The following ADAMTS12 variants were observed in gnomAD, a reference collection of about 807,000 sequenced individuals.
The protein encoded by ADAMTS12 is ADAM metallopeptidase with thrombospondin type 1 motif 12.
In ADAMTS12, 118 loss-of-function variants were observed where a neutral mutation model predicts 167.8. That is an observed-to-expected ratio of 0.70 (90% confidence interval 0.61 to 0.82). ADAMTS12 has a LOEUF of 0.82. ADAMTS12 is among the 40% of genes least tolerant of loss of function. ADAMTS12 has a pLI of 0.00. For missense variants in ADAMTS12, 1,916 were observed against 1,998.8 expected, an observed-to-expected ratio of 0.96 and a Z score of 0.79; for synonymous variants, 704 against 716.9, an observed-to-expected ratio of 0.98 and a Z score of 0.29.
At chr5:33,793,202 T>G (rs1407419241) in intron 2 of ADAMTS12, among the ~76,000 whole-genome samples, 1 of 152,216 alleles carries the variant, frequency 6.6e-6, no homozygotes, top group African/African-American at 2.4e-5. Context: ...TGCTAAAAAT[T>G]TCTGTTCACA....
chr5:33,527,039 A>T lies in ADAMTS12; in HGVS notation c.*149T>A. The stretch of plus-strand genomic sequence containing the variant: ...CTCCTGTGAGGGACATTCGGTGGCT[A>T]GAGGAACACAATGGATTTTGTTTCA... On this transcript the variant is annotated 3_prime_UTR_variant, in exon 24 of 24. Transcript: ENST00000504830. The T allele has an allele frequency of 1.9e-6, 2 of 1,038,350 alleles. No homozygotes were observed. The highest frequency in any genetic ancestry group is 1.6e-5 in the South Asian group (1 of 61,972). The allele number at this position is 1,038,350 out of a possible 1,614,324, so 64.3% of individuals were successfully genotyped here.
chr5:33,638,267 C>T (rs1046647012), intron 11 of ADAMTS12, among the ~76,000 whole-genome samples: 2 of 152,154 alleles, frequency 1.3e-5, no homozygotes, highest in Non-Finnish European at 2.9e-5. Flanking sequence ...TAAAATTGAA[C>T]CCACAGTACA....
chr5:33,747,133 C>T (rs1370405254), intron 3 of ADAMTS12, among the ~76,000 whole-genome samples: 2 of 152,214 alleles, frequency 1.3e-5, no homozygotes, highest in Non-Finnish European at 2.9e-5. Context: ...GGAAAAAAGA[C>T]ATTAGGACTC....
intron 13 of ADAMTS12, among the ~76,000 whole-genome samples, chr5:33,628,103 T>C (rs1739745574): frequency 6.6e-6 from 1 of 152,050 alleles, no homozygotes; most frequent in Non-Finnish European, 1.5e-5. Context: ...GAGCAGCTGA[T>C]GGATAGACCA....
intron 7 of ADAMTS12, among the ~76,000 whole-genome samples, chr5:33,652,765 C>T (rs529461891): frequency 3.0e-4 from 46 of 152,178 alleles, no homozygotes; most frequent in African/African-American, 9.1e-4. Context: ...TTTAAGTCTT[C>T]GATCAATCTT....
chr5:33,771,694 G>A (rs1289159463), intron 2 of ADAMTS12, among the ~76,000 whole-genome samples: 1 of 151,856 alleles, frequency 6.6e-6, no homozygotes, highest in Admixed American at 6.6e-5. Context: ...ACATAGAAAT[G>A]GTTAAGATGG....
intron 13 of ADAMTS12, among the ~76,000 whole-genome samples, chr5:33,625,613 G>C (rs1293911446): frequency 6.6e-6 from 1 of 152,210 alleles, no homozygotes; most frequent in African/African-American, 2.4e-5. Context: ...AAGAAAGTCA[G>C]AAAAGCAAAC....
At chr5:33,531,598 G>A (rs1690109904) in intron 23 of ADAMTS12, among the ~76,000 whole-genome samples, 1 of 152,212 alleles carries the variant, frequency 6.6e-6, no homozygotes, top group Admixed American at 6.5e-5. Context: ...CTTTGTCTCT[G>A]AGAGAATGAA....
chr5:33,679,261 T>C (rs193077111), intron 5 of ADAMTS12, among the ~76,000 whole-genome samples: 2 of 152,354 alleles, frequency 1.3e-5, no homozygotes, highest in South Asian at 2.1e-4. Context: ...TGCAGGTCCC[T>C]CCACCTGGAA....
chr5:33,870,512 T>A (rs1169906480), intron 2 of ADAMTS12, among the ~76,000 whole-genome samples: 1 of 152,204 alleles, frequency 6.6e-6, no homozygotes, highest in Non-Finnish European at 1.5e-5. Context: ...CCCACAACAG[T>A]GTACAGTGTA....
At chr5:33,721,765 C>T (rs529050587) in intron 3 of ADAMTS12, among the ~76,000 whole-genome samples, 23 of 152,326 alleles carry the variant, frequency 1.5e-4, no homozygotes, top group African/African-American at 5.3e-4. Flanking sequence ...TCTCCCTTCA[C>T]CACCTGCTTC....
intron 2 of ADAMTS12, among the ~76,000 whole-genome samples, chr5:33,811,791 G>A (rs1337213552): frequency 2.0e-5 from 3 of 152,144 alleles, no homozygotes; most frequent in Non-Finnish European, 2.9e-5. Context: ...GAGAAACCAG[G>A]TAGGAGATGA....
chr5:33,791,122 C>G (rs1409528034), intron 2 of ADAMTS12, among the ~76,000 whole-genome samples: 2 of 152,172 alleles, frequency 1.3e-5, no homozygotes, highest in Non-Finnish European at 2.9e-5. Context: ...TTACCCCACC[C>G]AGGTCACAGC....
intron 20 of ADAMTS12, 26 bp downstream of exon 20, chr5:33,561,001 A>G (rs1745722612): frequency 6.2e-7 from 1 of 1,613,014 alleles, no homozygotes; most frequent in Admixed American, 1.7e-5. Flanking sequence ...TCTACCTCCA[A>G]GACTCTGCCA....
At chr5:33,744,371 T>C (rs1198798913) in intron 3 of ADAMTS12, among the ~76,000 whole-genome samples, 3 of 152,088 alleles carry the variant, frequency 2.0e-5, no homozygotes, top group Non-Finnish European at 4.4e-5. Flanking sequence ...GCTTCTTTAA[T>C]GAATAAAAAT....
chr5:33,529,010 A>G (rs1053419156), intron 23 of ADAMTS12, among the ~76,000 whole-genome samples: 1 of 152,194 alleles, frequency 6.6e-6, no homozygotes, highest in Non-Finnish European at 1.5e-5. Flanking sequence ...GTGCCATTGC[A>G]CTCCAGCCTG....
chr5:33,667,317 CAAAAAA>C (rs5867201), intron 5 of ADAMTS12, among the ~76,000 whole-genome samples: 1 of 78,388 alleles, frequency 1.3e-5, no homozygotes, highest in African/African-American at 5.0e-5. Context: ...GACTCTGTCT[CAAAAAA>C]AAAAAAAAAA....
Position 33,588,687 on chromosome 5 carries a change from C to A in ADAMTS12, c.2777G>T (p.Cys926Phe). Residue 926 changes from cysteine to phenylalanine, a missense_variant, in exon 18 of 24, where the codon TGC becomes TTC. Transcript: ENST00000504830. ...GGTCTTGGGCTTCAGCAGGTGCTGG[C>A]AGTCTGTGGGCGGGAGAGCCTGCTC... is the stretch of plus-strand genomic sequence containing the variant. Reference protein sequence around the residue: ...SDEQALPPTDCQHLLKPKTLL... With the variant: ...SDEQALPPTDFQHLLKPKTLL... 1 of 1,614,096 alleles carries A rather than the reference C, an allele frequency of 6.2e-7. No homozygotes were observed. Among genetic ancestry groups the A allele is most frequent in the Non-Finnish European group, 8.5e-7 (1 of 1,180,028 alleles).
At chr5:33,733,780 G>A (rs1225555596) in intron 3 of ADAMTS12, among the ~76,000 whole-genome samples, 1 of 152,098 alleles carries the variant, frequency 6.6e-6, no homozygotes, top group African/African-American at 2.4e-5. Context: ...ACTCATCAGC[G>A]AGACACGGGG....
Sources: allele counts gnomAD v4.1 joint callset (sites outside exome capture counted in the v4.1 genomes callset), GRCh38; gene constraint gnomAD v4.1.1; transcripts MANE v1.5; gene names NCBI Gene and HGNC (gene_info 2026-07-23, HGNC 2026-07-21).